Variants in DLG2 observed in about 807,000 individuals in gnomAD.
The protein encoded by DLG2 is discs large MAGUK scaffold protein 2, also known as disks large homolog 2.
Under a neutral mutation model 132.5 loss-of-function variants are expected in DLG2, and 45 were observed. The observed-to-expected ratio is 0.34, with a 90% CI of 0.27 to 0.44. The LOEUF is 0.44. Among genes scored for constraint, DLG2 ranks in the 20% least tolerant of loss-of-function variants. DLG2 has a pLI of 1.00. For synonymous variants in DLG2, 424 were observed against 419.6 expected, an observed-to-expected ratio of 1.01 and a Z score of -0.13; for missense variants, 1,045 against 1,196.9, an observed-to-expected ratio of 0.87 and a Z score of 1.87.
In DLG2 at chr11:83,729,407, G is replaced by A. The variant is rs76112054; in HGVS notation, c.1825+57283C>T. Among the ~76,000 whole-genome samples, 51 of 152,250 alleles carry A rather than the reference G, an allele frequency of 3.3e-4. No individual in the cohort carries two copies. The East Asian group carries it at 7.1e-3, about 21-fold the overall frequency. On this transcript the variant is annotated intron_variant, in intron 18 of 27. Coordinates refer to ENST00000376104, the MANE Select transcript of DLG2 (RefSeq NM_001142699.3). Reference sequence around the variant, plus strand: ...AGCATATTTCAAGCATACAATCTCCGTGTGGGACAGCCCGAGCCTTCCTGA... The same window carrying A: ...AGCATATTTCAAGCATACAATCTCCATGTGGGACAGCCCGAGCCTTCCTGA...
At chr11:84,863,983 C>T (rs2084165413) in intron 6 of DLG2, among the ~76,000 whole-genome samples, 1 of 152,080 alleles carries the variant, frequency 6.6e-6, no homozygotes, top group Non-Finnish European at 1.5e-5. Context: ...CATGGGATTT[C>T]TTTATAAACT....
chr11:83,464,337 A>G (rs2090609888), intron 26 of DLG2, among the ~76,000 whole-genome samples: 1 of 152,214 alleles, frequency 6.6e-6, no homozygotes, highest in Non-Finnish European at 1.5e-5. Context: ...GTGTGTGATG[A>G]TGTATCAATG....
At chr11:85,383,644 C>T (rs2086085737) in intron 3 of DLG2, among the ~76,000 whole-genome samples, 1 of 152,140 alleles carries the variant, frequency 6.6e-6, no homozygotes, top group Non-Finnish European at 1.5e-5. Context: ...AACTATCCGG[C>T]ATAACCTATT....
chr11:85,122,113 G>C (rs1484519410), intron 5 of DLG2, among the ~76,000 whole-genome samples: 1 of 152,170 alleles, frequency 6.6e-6, no homozygotes, highest in Non-Finnish European at 1.5e-5. Flanking sequence ...CATGGTAAGT[G>C]ATCAGCTATA....
intron 18 of DLG2, among the ~76,000 whole-genome samples, chr11:83,732,838 G>A (rs2091257025): frequency 1.3e-5 from 2 of 152,118 alleles, no homozygotes; most frequent in Non-Finnish European, 2.9e-5. Context: ...GGAAGCACTG[G>A]GAAACACTTT....
intron 6 of DLG2, among the ~76,000 whole-genome samples, chr11:84,836,134 T>A (rs1319279515): frequency 6.6e-6 from 1 of 151,770 alleles, no homozygotes; most frequent in Non-Finnish European, 1.5e-5. Context: ...AAAATATGGA[T>A]GATTTTTACA....
chr11:83,775,986 G>A (rs1001794276), intron 18 of DLG2, among the ~76,000 whole-genome samples: 2 of 152,126 alleles, frequency 1.3e-5, no homozygotes, highest in African/African-American at 4.8e-5. Flanking sequence ...CAGCTACTCG[G>A]GAGGCTGAGG....
At chr11:84,671,014 C>T in intron 6 of DLG2, among the ~76,000 whole-genome samples, 1 of 152,006 alleles carries the variant, frequency 6.6e-6, no homozygotes. Context: ...TAGTGCATAC[C>T]CTGTGGGGTA....
chr11:84,764,716 G>T (rs1379530410), intron 6 of DLG2, among the ~76,000 whole-genome samples: 1 of 152,096 alleles, frequency 6.6e-6, no homozygotes, highest in Non-Finnish European at 1.5e-5. Flanking sequence ...AAGCAGAATA[G>T]TATGGGTATT....
intron 18 of DLG2, among the ~76,000 whole-genome samples, chr11:83,727,267 G>T (rs1046936749): frequency 6.6e-6 from 1 of 152,124 alleles, no homozygotes; most frequent in Non-Finnish European, 1.5e-5. Context: ...TAAGTAAGTT[G>T]TAAGGGACCT....
At position 83,487,839 on chromosome 11, in the gene DLG2, C is replaced by T. The variant is rs189913691; in HGVS notation, c.2194-3611G>A. ...GAATTTAAGTGTGACAGGCCATGAA[C>T]GGCAATTAAAAGGTAATTGCCCATT... On this transcript the variant is annotated intron_variant, in intron 21 of 27. Transcript: ENST00000376104. Among the ~76,000 whole-genome samples the T allele has an allele frequency of 2.2e-3, 328 of 151,978 alleles. 4 individuals are homozygous for T. Among genetic ancestry groups the T allele is most frequent in the Middle Eastern group, 3.4e-3 (1 of 294 alleles).
At chr11:84,731,023 T>C (rs566409753) in intron 6 of DLG2, among the ~76,000 whole-genome samples, 68 of 152,186 alleles carry the variant, frequency 4.5e-4, no homozygotes, top group Non-Finnish European at 8.8e-4. Flanking sequence ...TAGATTCTTA[T>C]GTCCAGTTTG....
chr11:85,146,314 A>T (rs72961539), intron 5 of DLG2, among the ~76,000 whole-genome samples: 10,503 of 150,052 alleles, frequency 0.07, 448 homozygotes, highest in African/African-American at 0.098. Context: ...TCCCAAAGCT[A>T]TCACAGCCAG....
At chr11:83,699,169 G>A (rs763112009) in intron 18 of DLG2, among the ~76,000 whole-genome samples, 5 of 151,930 alleles carry the variant, frequency 3.3e-5, no homozygotes, top group Non-Finnish European at 7.4e-5. Context: ...AAGGATAGAT[G>A]TCCCCAATAT....
At chr11:83,896,444 T>G (rs1186283799) in intron 15 of DLG2, among the ~76,000 whole-genome samples, 1 of 152,248 alleles carries the variant, frequency 6.6e-6, no homozygotes, top group East Asian at 1.9e-4. Context: ...ATAAAGATGC[T>G]CACTGTTATT....
At position 85,320,658 on chromosome 11, in the gene DLG2, G is replaced by A. The variant is rs533495726; in HGVS notation, c.41-35293C>T. On this transcript the variant is annotated intron_variant, in intron 3 of 27. Transcript: ENST00000376104. ...GAGAAAGATTACTTTATATCAAATA[G>A]TCAGTAAAGAGGTGAAAAGTAGACA... Among the ~76,000 whole-genome samples the A allele has an allele frequency of 2.0e-5, 3 of 151,888 alleles. No individual in the cohort carries two copies. The East Asian group carries it at 5.8e-4, about 29-fold the overall frequency.
intron 6 of DLG2, among the ~76,000 whole-genome samples, chr11:84,628,517 C>T (rs1053353787): frequency 6.6e-6 from 1 of 152,206 alleles, no homozygotes; most frequent in Non-Finnish European, 1.5e-5. Flanking sequence ...CTACCACGCA[C>T]TTTTATTATA....
intron 17 of DLG2, among the ~76,000 whole-genome samples, chr11:83,797,611 T>C (rs1488172300): frequency 1.3e-5 from 2 of 152,122 alleles, no homozygotes; most frequent in Admixed American, 6.6e-5. Flanking sequence ...CTTCGCCTTC[T>C]GGGTTCATGC....
At chr11:84,241,127 A>G (rs2097219975) in intron 8 of DLG2, among the ~76,000 whole-genome samples, 1 of 152,228 alleles carries the variant, frequency 6.6e-6, no homozygotes, top group Non-Finnish European at 1.5e-5. Flanking sequence ...TAAGAGCTAG[A>G]CAAAATTCTC....
Sources: allele counts gnomAD v4.1 joint callset (sites outside exome capture counted in the v4.1 genomes callset), GRCh38; gene constraint gnomAD v4.1.1; transcripts MANE v1.5; gene names NCBI Gene and HGNC (gene_info 2026-07-23, HGNC 2026-07-21).